CFAP92: variants seen among roughly 807,000 people sequenced by gnomAD.
The protein encoded by CFAP92 is uncharacterized protein CFAP92.
In CFAP92, 86 loss-of-function variants were observed where a neutral mutation model predicts 106.3. That is an observed-to-expected ratio of 0.81 (90% confidence interval 0.68 to 0.97). The LOEUF (loss-of-function observed/expected upper bound fraction) is 0.97, where lower values mean the gene tolerates loss of function less well. Among genes scored for constraint, CFAP92 ranks in the 50% least tolerant of loss-of-function variants. The pLI is 0.00. For synonymous variants in CFAP92, 477 were observed against 506.4 expected (o/e 0.94, Z 0.78); for missense variants, 1,204 against 1,283.8 (o/e 0.94, Z 0.95).
At chr3:128,916,600 TG>T (rs1936836068) in intron 12 of CFAP92, among the ~76,000 whole-genome samples, 1 of 152,040 alleles carries the variant, frequency 6.6e-6, no homozygotes, top group African/African-American at 2.4e-5. Context: ...TAGGAGAGTG[TG>T]GACAGGGGAT....
intron 15 of CFAP92, chr3:128,912,667 CTG>C: frequency 7.2e-7 from 1 of 1,389,234 alleles, no homozygotes; most frequent in Non-Finnish European, 1.0e-6. Context: ...TGCTGGATGA[CTG>C]TTACTCTTTT....
chr3:129,015,735 C>G, the CFAP92 span, among the ~76,000 whole-genome samples: 5 of 152,012 alleles, frequency 3.3e-5, no homozygotes, highest in African/African-American at 7.2e-5. Flanking sequence ...ACTGTCCCCC[C>G]ACCCCTTGTG....
upstream of CFAP92, chr3:129,003,260 G>C: frequency 1.0e-6 from 1 of 985,448 alleles, no homozygotes; most frequent in South Asian, 4.7e-5. Flanking sequence ...GGATGCGCCT[G>C]AACGGTCTTC....
chr3:128,946,130 C>T (rs1005079590), intron 9 of CFAP92, among the ~76,000 whole-genome samples, 155 bp from the exon 10 acceptor site: 29 of 152,278 alleles, frequency 1.9e-4, no homozygotes, highest in Admixed American at 1.7e-3. Context: ...CACTACTGTG[C>T]AAGGTCATTA....
In CFAP92 at chr3:128,910,009, C is replaced by T. The variant is rs1936086220; in HGVS notation, c.*290G>A. 6.2e-7 allele frequency: 1 copy of T among 1,612,914 alleles called. No homozygotes were observed. The highest frequency in any genetic ancestry group is 1.3e-5 in the African/African-American group (1 of 74,948). ...GGTAGTGAGTCCCCACTTGGAGCCT[C>T]TGTGATCCCAGACCATCATGGAGGA... On this transcript the variant is annotated 3_prime_UTR_variant, in exon 16 of 16. Transcript: ENST00000645291.
At chr3:128,924,119 A>G (rs1394600997) in intron 12 of CFAP92, among the ~76,000 whole-genome samples, 1 of 152,180 alleles carries the variant, frequency 6.6e-6, no homozygotes, top group Non-Finnish European at 1.5e-5. Flanking sequence ...AAAAGGGGGC[A>G]TGTTGGGGAA....
intron 4 of CFAP92, among the ~76,000 whole-genome samples, chr3:128,980,039 A>G (rs1404961066): frequency 6.6e-6 from 1 of 150,492 alleles, no homozygotes; most frequent in African/African-American, 2.4e-5. Context: ...GAGGGAAGAG[A>G]GAAAGGAAGA....
intron 12 of CFAP92, among the ~76,000 whole-genome samples, chr3:128,924,204 C>G (rs540311846): frequency 2.6e-5 from 4 of 152,074 alleles, no homozygotes; most frequent in Non-Finnish European, 2.9e-5. Context: ...TGGAACATGT[C>G]TGGGGTCCAG....
At chr3:129,019,281 C>G in the CFAP92 span, among the ~76,000 whole-genome samples, 2 of 152,166 alleles carry the variant, frequency 1.3e-5, no homozygotes, top group African/African-American at 4.8e-5. Flanking sequence ...TTCAGTCCAC[C>G]TGGAGTCTAC....
chr3:128,953,528 G>A (rs1164423391), intron 9 of CFAP92, among the ~76,000 whole-genome samples: 1 of 145,284 alleles, frequency 6.9e-6, no homozygotes. Context: ...AAAATAAAAA[G>A]AAAGAGGGAT....
At chr3:128,975,143 TAAAA>T in intron 7 of CFAP92, among the ~76,000 whole-genome samples, 1 of 150,576 alleles carries the variant, frequency 6.6e-6, no homozygotes, top group East Asian at 1.9e-4. Context: ...TAAAATAAAA[TAAAA>T]AGAGTAAATA....
At chr3:128,938,449 G>A (rs1248991236) in intron 10 of CFAP92, among the ~76,000 whole-genome samples, 2 of 150,938 alleles carry the variant, frequency 1.3e-5, no homozygotes, top group Non-Finnish European at 2.9e-5. Flanking sequence ...GCCTTCTGCC[G>A]CAGAGACCAG....
chr3:129,018,191 A>G, the CFAP92 span, among the ~76,000 whole-genome samples: 1 of 152,198 alleles, frequency 6.6e-6, no homozygotes, highest in Admixed American at 6.5e-5. Flanking sequence ...ATGAGACCTC[A>G]GTTCTCCAGG....
intron 9 of CFAP92, among the ~76,000 whole-genome samples, chr3:128,956,481 T>G (rs1941431130): frequency 6.6e-6 from 1 of 151,736 alleles, no homozygotes; most frequent in African/African-American, 2.4e-5. Context: ...GAACCCCAAA[T>G]AAGATAAACA....
intron 12 of CFAP92, among the ~76,000 whole-genome samples, chr3:128,919,982 A>G (rs902519409): frequency 3.3e-5 from 5 of 152,244 alleles, no homozygotes; most frequent in Non-Finnish European, 5.9e-5. Context: ...ATAGTTTTCA[A>G]TACCCTCTTT....
Position 128,977,066 on chromosome 3 carries a change from C to T in CFAP92, c.809G>A (p.Gly270Asp). Residue 270 changes from glycine to aspartate, a missense_variant and splice_region_variant, in exon 6 of 16, where the codon GGT (glycine) becomes GAT (aspartate). Coordinates refer to ENST00000645291, the MANE Select transcript of CFAP92 (RefSeq NM_001394090.1). ...KTEKHPKSLQ[G>D]SHQAEPETSS... is the part of the protein sequence containing the mutation. ...AGTTTCGGGCTCTGCTTGGTGAGAA[C>T]CTGAAAACAGTAGCAAATATTTCCA... 1.9e-6 allele frequency: 3 copies of T among 1,613,262 alleles called. No homozygotes were observed. The highest frequency in any genetic ancestry group is 1.7e-6 in the Non-Finnish European group (2 of 1,179,334).
intron 15 of CFAP92, chr3:128,910,841 G>A: frequency 6.2e-7 from 1 of 1,612,298 alleles, no homozygotes; most frequent in Non-Finnish European, 8.5e-7. Flanking sequence ...GGGGAGGGAA[G>A]GAAGGGCCCA....
intron 15 of CFAP92, chr3:128,912,484 C>T: frequency 1.3e-6 from 2 of 1,599,684 alleles, no homozygotes; most frequent in Non-Finnish European, 1.7e-6. Flanking sequence ...AGATCACCCA[C>T]CATCTCTCCT....
At chr3:128,960,417 ACTCT>A (rs996003215) in intron 9 of CFAP92, among the ~76,000 whole-genome samples, 3 of 151,600 alleles carry the variant, frequency 2.0e-5, no homozygotes, top group African/African-American at 7.3e-5. Flanking sequence ...GCCTCTTTTG[ACTCT>A]CTTCTCCAAC....
Sources: gnomAD v4.1 joint callset for allele counts (sites outside exome capture counted in the v4.1 genomes callset) on GRCh38, gnomAD v4.1.1 for gene constraint, MANE v1.5 for transcripts, NCBI Gene and HGNC (gene_info 2026-07-23, HGNC 2026-07-21) for gene names.